The following NID2 variants were observed in gnomAD, a reference collection of about 807,000 sequenced individuals.
The protein encoded by NID2 is nidogen 2, also known as nidogen-2.
Under a neutral mutation model 145.4 loss-of-function variants are expected in NID2, and 83 were observed. The observed-to-expected ratio is 0.57, with a 90% CI of 0.48 to 0.69. The LOEUF is 0.69. NID2 is among the 30% of genes least tolerant of loss of function. The probability of loss-of-function intolerance (pLI) is 0.00; values close to 1 mark genes in which losing one functional copy is unlikely to be tolerated. For missense variants in NID2, 1,807 were observed against 1,765.7 expected, an observed-to-expected ratio of 1.02 and a Z score of -0.42; for synonymous variants, 739 against 701.3, an observed-to-expected ratio of 1.05 and a Z score of -0.85.
chr14:52,030,845 T>C (rs1340526152), intron 9 of NID2, among the ~76,000 whole-genome samples: 6 of 152,130 alleles, frequency 3.9e-5, no homozygotes, highest in Non-Finnish European at 8.8e-5. Flanking sequence ...AACAGGACCA[T>C]GTCTTAAAAT....
rs1280122614 is a variant in NID2 at position 52,006,566 on chromosome 14, T to C, written c.3975A>G (p.Ala1325=). The change falls in exon 20 of 22, where the codon GCA becomes GCG. Residue 1325 remains alanine, a synonymous_variant. Coordinates refer to ENST00000216286, the MANE Select transcript of NID2 (RefSeq NM_007361.4). ...TCCAGTCTGTGTGGTAGAAGTGATC[T>C]GCATAGCTTACGATGCTGAAGGGGT... The part of the protein sequence containing the change: ...LKYPFSIVSY[A]DHFYHTDWRR... 4 of 1,613,852 alleles carry C rather than the reference T, an allele frequency of 2.5e-6. No homozygotes were observed. The South Asian group carries it at 4.4e-5, about 18-fold the overall frequency.
chr14:52,054,398 A>C, intron 3 of NID2, 77 bp from the exon 4 acceptor site: 1 of 1,417,616 alleles, frequency 7.1e-7, no homozygotes, highest in Non-Finnish European at 9.6e-7. Flanking sequence ...AAGGTGAACA[A>C]CTTATTTTAA....
chr14:52,014,168 G>T, intron 16 of NID2, 119 bp downstream of exon 16: 1 of 1,338,490 alleles, frequency 7.5e-7, no homozygotes, highest in Non-Finnish European at 1.1e-6. Flanking sequence ...ATGGGCTGCA[G>T]CTCAGAAACC....
Position 52,035,854 on chromosome 14 carries a change from GTGTATATATA to G in NID2, c.2257+2883_2257+2892del, listed in dbSNP as rs1309036805. 2.9e-3 allele frequency among the ~76,000 whole-genome samples: 103 copies of G among 36,078 alleles called. 4 individuals carry two copies. The highest frequency in any genetic ancestry group is 3.0e-4 in the Non-Finnish European group (5 of 16,914). The allele number at this position is 36,078 out of a possible 152,430, so 23.7% of individuals were successfully genotyped here. ...CCACCACACCTGGCTAAATTTTTTTGTGTATATATATATATATATATATATGTTTTATTTT... is the reference window on the plus strand; with the variant it reads ...CCACCACACCTGGCTAAATTTTTTTGTATATATATATATATGTTTTATTTT... On this transcript the variant is annotated intron_variant, in intron 9 of 21. Coordinates refer to ENST00000216286, the MANE Select transcript of NID2 (RefSeq NM_007361.4).
chr14:52,009,662 C>T (rs924986608), intron 18 of NID2: 3 of 152,170 alleles, frequency 2.0e-5, no homozygotes, highest in Admixed American at 6.5e-5. Context: ...TCATTGCCTA[C>T]AAGATGGCAG....
In NID2 at chr14:52,053,742, G is replaced by C; in HGVS notation, c.1266C>G (p.Pro422=). 6.2e-7 allele frequency: 1 copy of C among 1,614,234 alleles called. No individual in the cohort carries two copies. Among genetic ancestry groups the C allele is most frequent in the Non-Finnish European group, 8.5e-7 (1 of 1,180,032 alleles). The part of the protein sequence containing the change: ...PPYPENGSIQ[P]YPDGGPVPSE... ...AAGGCACTGGCCCTCCATCTGGGTA[G>C]GGCTGGATGCTTCCGTTTTCGGGGT... Residue 422 remains proline, a synonymous_variant, in exon 5 of 22, where the codon CCC becomes CCG. Coordinates refer to ENST00000216286, the MANE Select transcript of NID2 (RefSeq NM_007361.4).
Position 52,015,224 on chromosome 14 carries a change from A to G in NID2, c.3080T>C (p.Leu1027Pro). ...CCGGGGGGTGCCACCGTAGTGCTCC[A>G]GCAGGTTTTCCCTCCAGCGCTCACA... Reference protein sequence around the residue: ...TICERWRENLLEHYGGTPRDD... With the variant: ...TICERWRENLPEHYGGTPRDD... Residue 1027 changes from leucine to proline, a missense_variant, in exon 15 of 22, where the codon CTG (leucine) becomes CCG (proline). Leu to Pro is a moderately conservative substitution (Grantham distance 98). Coordinates refer to ENST00000216286, the MANE Select transcript of NID2 (RefSeq NM_007361.4). 1.2e-6 allele frequency: 2 copies of G among 1,613,782 alleles called. No individual in the cohort carries two copies. Among genetic ancestry groups the G allele is most frequent in the Non-Finnish European group, 1.7e-6 (2 of 1,179,712 alleles).
chr14:52,062,732 G>T (rs1036526660), intron 2 of NID2, among the ~76,000 whole-genome samples: 1 of 152,142 alleles, frequency 6.6e-6, no homozygotes, highest in Admixed American at 6.5e-5. Flanking sequence ...GGATGGGGAA[G>T]GGGGGAAGAG....
intron 2 of NID2, among the ~76,000 whole-genome samples, chr14:52,062,243 T>C (rs538661465): frequency 6.6e-6 from 1 of 152,366 alleles, no homozygotes; most frequent in South Asian, 2.1e-4. Context: ...TTTAGTTCTC[T>C]AACCCAGAAA....
intron 3 of NID2, among the ~76,000 whole-genome samples, chr14:52,055,857 G>T (rs1319864671): frequency 6.6e-6 from 1 of 152,080 alleles, no homozygotes. Context: ...CTTCATTTGG[G>T]TGGGTACTCA....
chr14:52,021,272 A>C (rs1342232012), intron 12 of NID2, among the ~76,000 whole-genome samples: 1 of 152,180 alleles, frequency 6.6e-6, no homozygotes, highest in Admixed American at 6.5e-5. Flanking sequence ...CTAGAAAATG[A>C]GAATGTGTTG....
At chr14:52,061,251 T>C (rs1893013097) in intron 2 of NID2, among the ~76,000 whole-genome samples, 1 of 152,214 alleles carries the variant, frequency 6.6e-6, no homozygotes, top group South Asian at 2.1e-4. Context: ...TGTTTGTGAT[T>C]CCCTATAGAA....
chr14:52,046,196 G>A (rs955592573), intron 5 of NID2, among the ~76,000 whole-genome samples: 1 of 151,900 alleles, frequency 6.6e-6, no homozygotes, highest in East Asian at 1.9e-4. Context: ...GGTGGTGGGC[G>A]CCTGTAGTCC....
At chr14:52,049,930 C>T (rs544194437) in intron 5 of NID2, among the ~76,000 whole-genome samples, 1 of 152,236 alleles carries the variant, frequency 6.6e-6, no homozygotes, top group East Asian at 1.9e-4. Flanking sequence ...CCTGGAGGTG[C>T]ACCCAGGGGA....
rs572286380 is a variant in NID2, at chr14:52,029,062, A to T, written c.2402-212T>A. Among the ~76,000 whole-genome samples the T allele has an allele frequency of 2.0e-5, 3 of 152,342 alleles. No homozygotes were observed. The South Asian group carries it at 6.2e-4, about 32-fold the overall frequency. On this transcript the variant is annotated intron_variant, in intron 10 of 21. Coordinates refer to ENST00000216286, the MANE Select transcript of NID2 (RefSeq NM_007361.4). ...CCATTCAAGTAAACACCACAGGAAGATAAATTTTTAAGTGAATATTCTAAG... is the reference window on the plus strand; with the variant it reads ...CCATTCAAGTAAACACCACAGGAAGTTAAATTTTTAAGTGAATATTCTAAG...
chr14:52,042,998 C>T (rs1892342869), intron 5 of NID2, 67 bp from the exon 6 acceptor site: 4 of 1,482,422 alleles, frequency 2.7e-6, no homozygotes, highest in Non-Finnish European at 3.8e-6. Context: ...GCATCGGGGA[C>T]ACAACATCTG....
At chr14:52,066,369 A>T (rs12434236) in intron 2 of NID2, among the ~76,000 whole-genome samples, 10,524 of 152,054 alleles carry the variant, frequency 0.069, 573 homozygotes, top group East Asian at 0.28. Flanking sequence ...ATTTGATAGC[A>T]CAACAGGGTG....
chr14:52,054,608 T>C (rs986771691), intron 3 of NID2, among the ~76,000 whole-genome samples: 5 of 152,198 alleles, frequency 3.3e-5, no homozygotes, highest in African/African-American at 1.2e-4. Context: ...CTCAGTAGGC[T>C]GAGGCAGGAG....
intron 9 of NID2, among the ~76,000 whole-genome samples, chr14:52,030,005 G>C (rs1264662149): frequency 2.0e-5 from 3 of 152,098 alleles, no homozygotes; most frequent in Admixed American, 2.0e-4. Flanking sequence ...GTGATTCTTG[G>C]GATGATTCTA....
Sources: allele counts gnomAD v4.1 joint callset (sites outside exome capture counted in the v4.1 genomes callset), GRCh38; gene constraint gnomAD v4.1.1; transcripts MANE v1.5; gene names NCBI Gene and HGNC (gene_info 2026-07-23, HGNC 2026-07-21).